The following ZNF423 variants were observed in gnomAD, a reference collection of about 807,000 sequenced individuals.
ZNF423 encodes zinc finger protein 423, also known as Ebf-associated zinc finger protein.
ZNF423 carries 12 observed loss-of-function variants against 95.8 expected under a neutral mutation model. The observed-to-expected ratio is 0.13, with a 90% confidence interval of 0.08 to 0.20. The LOEUF (loss-of-function observed/expected upper bound fraction) is 0.20, where lower values mean the gene tolerates loss of function less well. Ranked by LOEUF, ZNF423 falls within the 10% of genes least tolerant of loss-of-function variation. ZNF423 has a pLI of 1.00. For missense variants in ZNF423, 1,316 were observed against 1,737.1 expected, an observed-to-expected ratio of 0.76 and a Z score of 4.31; for synonymous variants, 749 against 711.9, an observed-to-expected ratio of 1.05 and a Z score of -0.83.
At chr16:49,672,688 T>A (rs111766215) in intron 3 of ZNF423, among the ~76,000 whole-genome samples, 1 of 152,042 alleles carries the variant, frequency 6.6e-6, no homozygotes, top group African/African-American at 2.4e-5. Flanking sequence ...TGGTGGCACA[T>A]GCCTGTAATC....
At chr16:49,622,115 G>A (rs1470910135) in intron 5 of ZNF423, among the ~76,000 whole-genome samples, 2 of 152,190 alleles carry the variant, frequency 1.3e-5, no homozygotes, top group Non-Finnish European at 2.9e-5. Context: ...TGATGCCTGG[G>A]AATGCATGCC....
chr16:49,854,927 G>C, intron 1 of ZNF423: 1 of 985,010 alleles, frequency 1.0e-6, no homozygotes, highest in South Asian at 4.7e-5. Context: ...CCGGTGCCCG[G>C]GGTCAGATCC....
chr16:49,785,746 C>G (rs1222270677), intron 2 of ZNF423, among the ~76,000 whole-genome samples: 2 of 152,234 alleles, frequency 1.3e-5, no homozygotes, highest in East Asian at 1.9e-4. Context: ...CGTATCAGCC[C>G]ACCTGGGCCA....
At chr16:49,830,155 C>T (rs938761851) in intron 1 of ZNF423, among the ~76,000 whole-genome samples, 19 of 152,068 alleles carry the variant, frequency 1.2e-4, no homozygotes, top group African/African-American at 3.4e-4. Context: ...GGGAAGGCCG[C>T]GCAGAAGAGG....
At chr16:49,804,251 C>T (rs2034627556) in intron 1 of ZNF423, among the ~76,000 whole-genome samples, 1 of 152,050 alleles carries the variant, frequency 6.6e-6, no homozygotes, top group Non-Finnish European at 1.5e-5. Flanking sequence ...TGAGTTTCTA[C>T]TTCAATCAGA....
chr16:49,829,380 C>T (rs1310617569), intron 1 of ZNF423, among the ~76,000 whole-genome samples: 1 of 152,166 alleles, frequency 6.6e-6, no homozygotes, highest in Non-Finnish European at 1.5e-5. Flanking sequence ...CTTCTTTGAG[C>T]CCGAGAGTTG....
At chr16:49,742,870 T>C (rs143028449) in intron 2 of ZNF423, among the ~76,000 whole-genome samples, 8 of 152,030 alleles carry the variant, frequency 5.3e-5, no homozygotes, top group Admixed American at 1.3e-4. Flanking sequence ...CCAGAACCAG[T>C]GGCCAGGCTA....
chr16:49,813,549 G>A (rs2034788735), intron 1 of ZNF423, among the ~76,000 whole-genome samples: 1 of 152,210 alleles, frequency 6.6e-6, no homozygotes, highest in Admixed American at 6.5e-5. Flanking sequence ...CTCAAGCAGA[G>A]CCACGCAGGA....
At chr16:49,548,018 C>T (rs1196778683) in intron 5 of ZNF423, among the ~76,000 whole-genome samples, 3 of 152,168 alleles carry the variant, frequency 2.0e-5, no homozygotes, top group African/African-American at 7.2e-5. Context: ...TAATTATCAT[C>T]ATTGCCATGG....
At chr16:49,537,135 G>A (rs1969080580) in intron 5 of ZNF423, among the ~76,000 whole-genome samples, 1 of 152,222 alleles carries the variant, frequency 6.6e-6, no homozygotes. Flanking sequence ...TGGGCACTTT[G>A]CCCAAAGTGG....
intron 1 of ZNF423, among the ~76,000 whole-genome samples, chr16:49,808,770 G>A (rs555904207): frequency 6.6e-6 from 1 of 152,210 alleles, no homozygotes; most frequent in South Asian, 2.1e-4. Flanking sequence ...GTGGAGAGGG[G>A]TGGAAATCAC....
At position 49,521,856 on chromosome 16, in the gene ZNF423, C is replaced by G. The variant is rs372222010; in HGVS notation, c.3849+1768G>C. Among the ~76,000 whole-genome samples the G allele has an allele frequency of 1.8e-4, 28 of 152,306 alleles. 1 individual carries two copies. Among genetic ancestry groups the G allele is most frequent in the African/African-American group, 4.8e-4 (20 of 41,594 alleles). The stretch of plus-strand genomic sequence containing the variant: ...AGGACTTGACCATCTAATGGTGAAT[C>G]CCCCCGGTCCCCACACCCTCCAAGG... On this transcript the variant is annotated intron_variant, in intron 7 of 7. Transcript: ENST00000563137.
chr16:49,593,479 C>T (rs998836476), intron 5 of ZNF423, among the ~76,000 whole-genome samples: 8 of 150,988 alleles, frequency 5.3e-5, no homozygotes, highest in Non-Finnish European at 1.0e-4. Flanking sequence ...TCACTCTTGT[C>T]CCTTAGAGGT....
intron 1 of ZNF423, among the ~76,000 whole-genome samples, chr16:49,796,257 C>T (rs1247330988): frequency 6.6e-6 from 1 of 152,216 alleles, no homozygotes; most frequent in Admixed American, 6.5e-5. Flanking sequence ...GCCTTGCCAC[C>T]ACCGAGATCC....
At chr16:49,765,956 A>G (rs1014173469) in intron 2 of ZNF423, among the ~76,000 whole-genome samples, 5 of 152,186 alleles carry the variant, frequency 3.3e-5, no homozygotes, top group Admixed American at 1.3e-4. Context: ...TTTAATGAGA[A>G]TAGAGTTTCA....
intron 2 of ZNF423, among the ~76,000 whole-genome samples, chr16:49,750,604 G>A (rs998274183): frequency 2.0e-5 from 3 of 152,208 alleles, no homozygotes; most frequent in East Asian, 1.9e-4. Context: ...AAACACTCAC[G>A]GAGACCCTGC....
At chr16:49,745,682 G>A (rs951825682) in intron 2 of ZNF423, among the ~76,000 whole-genome samples, 4 of 152,216 alleles carry the variant, frequency 2.6e-5, no homozygotes, top group African/African-American at 9.6e-5. Context: ...CCAGGAGCTT[G>A]TCACAATAGG....
At chr16:49,507,630 TCCACAA>T (rs1967698431) in intron 7 of ZNF423, among the ~76,000 whole-genome samples, 1 of 122,964 alleles carries the variant, frequency 8.1e-6, no homozygotes, top group South Asian at 2.3e-4. Context: ...TAGAACACAT[TCCACAA>T]CTCCCACCAC....
At chr16:49,697,523 T>G (rs1567296850) in intron 3 of ZNF423, among the ~76,000 whole-genome samples, 2 of 151,970 alleles carry the variant, frequency 1.3e-5, no homozygotes, top group East Asian at 1.9e-4. Flanking sequence ...TTTGGAGGCC[T>G]GCGTCTCGTA....
Sources: gnomAD v4.1 joint callset for allele counts (sites outside exome capture counted in the v4.1 genomes callset) on GRCh38, gnomAD v4.1.1 for gene constraint, MANE v1.5 for transcripts, NCBI Gene and HGNC (gene_info 2026-07-23, HGNC 2026-07-21) for gene names.